The following CFAP54 variants were observed in gnomAD, a reference collection of about 807,000 sequenced individuals.
The protein encoded by CFAP54 is cilia- and flagella-associated protein 54.
Under a neutral mutation model 370.4 loss-of-function variants are expected in CFAP54, and 290 were observed. The observed-to-expected ratio is 0.78, with a 90% confidence interval of 0.71 to 0.86. The LOEUF is 0.86. CFAP54 is among the 40% of genes least tolerant of loss of function. CFAP54 has a pLI of 0.00. For synonymous variants in CFAP54, 1,206 were observed against 1,236.5 expected (o/e 0.98, Z 0.52); for missense variants, 3,399 against 3,528.7 (o/e 0.96, Z 0.93).
chr12:96,842,981 A>G (rs1266140084), intron 66 of CFAP54, among the ~76,000 whole-genome samples: 1 of 152,208 alleles, frequency 6.6e-6, no homozygotes, highest in African/African-American at 2.4e-5. Flanking sequence ...TGCAGCTGCT[A>G]GTGATGTATA....
At chr12:96,741,915 G>A (rs1211501046) in intron 51 of CFAP54, among the ~76,000 whole-genome samples, 1 of 152,166 alleles carries the variant, frequency 6.6e-6, no homozygotes, top group Non-Finnish European at 1.5e-5. Flanking sequence ...ACAGTGTTTA[G>A]GCAAGATAGT....
rs917847420 is a variant in CFAP54, at chr12:96,521,852, T to C, written c.943-5T>C. On this transcript the variant is annotated splice_polypyrimidine_tract_variant and splice_region_variant and intron_variant, in intron 6 of 67. Transcript: ENST00000524981. ...ATGAATTAAATTTATTTTAATCACA[T>C]GTAGGCATTTGCTCGGCGTGCTTTG... 3 of 1,511,578 alleles carry C rather than the reference T, an allele frequency of 2.0e-6. No individual in the cohort carries two copies. The highest frequency in any genetic ancestry group is 1.7e-4 in the Middle Eastern group (1 of 5,966). 93.6% of individuals were successfully genotyped at this position (1,511,578 alleles called of 1,614,324 possible).
intron 35 of CFAP54, among the ~76,000 whole-genome samples, chr12:96,650,524 C>G (rs945320435): frequency 6.6e-6 from 1 of 152,156 alleles, no homozygotes; most frequent in African/African-American, 2.4e-5. Context: ...TGCCCCCGGT[C>G]TCCTTCTTCC....
chr12:96,632,937 G>A (rs537477312), intron 32 of CFAP54, among the ~76,000 whole-genome samples: 41 of 151,836 alleles, frequency 2.7e-4, no homozygotes, highest in Admixed American at 1.1e-3. Flanking sequence ...CTCCATAACC[G>A]CGTTATATAT....
intron 20 of CFAP54, among the ~76,000 whole-genome samples, chr12:96,579,392 C>CA: frequency 6.6e-6 from 1 of 152,038 alleles, no homozygotes; most frequent in Non-Finnish European, 1.5e-5. Context: ...CTGTAATTTA[C>CA]AAAAATGGTT....
intron 23 of CFAP54, among the ~76,000 whole-genome samples, chr12:96,591,502 A>T (rs1956123893): frequency 6.6e-6 from 1 of 151,966 alleles, no homozygotes; most frequent in African/African-American, 2.4e-5. Flanking sequence ...AGAGAGAGAG[A>T]CTGAAGAAGA....
intron 36 of CFAP54, among the ~76,000 whole-genome samples, chr12:96,653,519 A>G (rs985540950): frequency 6.6e-6 from 1 of 152,248 alleles, no homozygotes; most frequent in African/African-American, 2.4e-5. Context: ...ACAATTCCAA[A>G]TACCCCATGA....
Position 96,626,892 on chromosome 12 carries a change from T to C in CFAP54, c.4056T>C (p.Phe1352=). The change falls in exon 30 of 68, where the codon TTT becomes TTC. Residue 1352 remains phenylalanine, a synonymous_variant. Coordinates refer to ENST00000524981, the MANE Select transcript of CFAP54 (RefSeq NM_001306084.2). The part of the protein sequence containing the change: ...VMLKCMNEEK[F]HLMVEVTTPV... Reference sequence around the variant, plus strand: ...TAAAATGCATGAATGAGGAAAAATTTCATCTTATGGTAGAGGTAACAACTC... The same window carrying C: ...TAAAATGCATGAATGAGGAAAAATTCCATCTTATGGTAGAGGTAACAACTC... 7.0e-7 allele frequency: 1 copy of C among 1,437,342 alleles called. No individual in the cohort carries two copies. Among genetic ancestry groups the C allele is most frequent in the Non-Finnish European group, 9.2e-7 (1 of 1,087,552 alleles). 89.0% of individuals were successfully genotyped at this position (1,437,342 alleles called of 1,614,324 possible). A position where few individuals can be genotyped will look rare whatever the true frequency, so the allele number is the denominator to read the frequency against.
chr12:96,659,774 C>G (rs540879275), intron 38 of CFAP54, among the ~76,000 whole-genome samples: 1 of 152,294 alleles, frequency 6.6e-6, no homozygotes, highest in South Asian at 2.1e-4. Flanking sequence ...CCCAAGGGCC[C>G]CTGGCATACG....
At chr12:96,628,095 G>A (rs934909442) in intron 30 of CFAP54, among the ~76,000 whole-genome samples, 11 of 152,198 alleles carry the variant, frequency 7.2e-5, no homozygotes, top group African/African-American at 2.4e-4. Flanking sequence ...TCACGAAGAT[G>A]TGTAGCAGGT....
chr12:96,792,595 A>G lies in CFAP54; in HGVS notation c.8850+96A>G, dbSNP rs190835813. 3.2e-4 allele frequency: 284 copies of G among 899,026 alleles called. No individual in the cohort carries two copies. The African/African-American group carries it at 4.2e-3, about 13-fold the overall frequency. The allele number at this position is 899,026 out of a possible 1,614,324, so 55.7% of individuals were successfully genotyped here. A position where few individuals can be genotyped will look rare whatever the true frequency, so the allele number is the denominator to read the frequency against. Reference sequence around the variant, plus strand: ...AGAGTAGAGGACATTCTCTTATCATATAGATGAGAACAGGTATCAATATAT... The same window carrying G: ...AGAGTAGAGGACATTCTCTTATCATGTAGATGAGAACAGGTATCAATATAT... On this transcript the variant is annotated intron_variant, in intron 63 of 67. Coordinates refer to ENST00000524981, the MANE Select transcript of CFAP54 (RefSeq NM_001306084.2).
intron 58 of CFAP54, among the ~76,000 whole-genome samples, chr12:96,758,477 G>T (rs1401383637): frequency 2.0e-5 from 3 of 152,154 alleles, no homozygotes; most frequent in Non-Finnish European, 4.4e-5. Flanking sequence ...CAGTATGGGA[G>T]AAACTGTCCC....
chr12:96,747,912 A>T (rs189334870), intron 55 of CFAP54, among the ~76,000 whole-genome samples: 54 of 152,136 alleles, frequency 3.5e-4, no homozygotes, highest in African/African-American at 1.2e-3. Context: ...TTTACTACTT[A>T]TTTTACTTTA....
intron 48 of CFAP54, among the ~76,000 whole-genome samples, chr12:96,710,991 CTCT>C (rs1957606774): frequency 1.3e-5 from 2 of 152,154 alleles, no homozygotes; most frequent in East Asian, 1.9e-4. Context: ...TTGATATTAA[CTCT>C]TCTTTAAATG....
At chr12:96,633,826 G>A (rs530955445) in intron 32 of CFAP54, among the ~76,000 whole-genome samples, 1 of 152,058 alleles carries the variant, frequency 6.6e-6, no homozygotes, top group Non-Finnish European at 1.5e-5. Context: ...TGGTCGAATA[G>A]TAAGCATGTT....
At chr12:96,751,250 G>T (rs1958179685) in intron 55 of CFAP54, among the ~76,000 whole-genome samples, 2 of 152,076 alleles carry the variant, frequency 1.3e-5, no homozygotes, top group African/African-American at 4.8e-5. Context: ...CCACTTATAT[G>T]CAAGAATGGT....
rs149259261 is a variant in CFAP54 at position 96,694,801 on chromosome 12, A to G, written c.6351+993A>G. 4.3e-3 allele frequency among the ~76,000 whole-genome samples: 649 copies of G among 152,128 alleles called. 8 individuals carry two copies. The highest frequency in any genetic ancestry group is 0.036 in the South Asian group (175 of 4,810). ...CACTTTGGGAGGCCGGGGTGGGCGGATCACCAGGTCAGGAGTTCGAGACCA... is the reference window on the plus strand; with the variant it reads ...CACTTTGGGAGGCCGGGGTGGGCGGGTCACCAGGTCAGGAGTTCGAGACCA... On this transcript the variant is annotated intron_variant, in intron 45 of 67. Transcript: ENST00000524981.
At chr12:96,731,630 T>C (rs1957919390) in intron 50 of CFAP54, among the ~76,000 whole-genome samples, 1 of 152,224 alleles carries the variant, frequency 6.6e-6, no homozygotes, top group Non-Finnish European at 1.5e-5. Flanking sequence ...TTGACAATTT[T>C]CTAATATTTA....
chr12:96,549,066 G>A (rs1408583191), intron 15 of CFAP54, among the ~76,000 whole-genome samples: 16 of 152,212 alleles, frequency 1.1e-4, no homozygotes, highest in Admixed American at 1.0e-3. Context: ...ATGTTAGCCA[G>A]GATGGTCTCG....
Sources: allele counts gnomAD v4.1 joint callset (sites outside exome capture counted in the v4.1 genomes callset), GRCh38; gene constraint gnomAD v4.1.1; transcripts MANE v1.5; gene names NCBI Gene and HGNC (gene_info 2026-07-23, HGNC 2026-07-21).